The following LRRC7 variants were observed in gnomAD, a reference collection of about 807,000 sequenced individuals.
LRRC7 encodes leucine rich repeat containing 7.
LRRC7 carries 23 observed loss-of-function variants against 175.7 expected under a neutral mutation model. The ratio of observed to expected loss-of-function variants is 0.13; its 90% CI spans 0.09 to 0.19. LRRC7 has a LOEUF of 0.19. Ranked by LOEUF, LRRC7 falls within the 10% of genes least tolerant of loss-of-function variation. The pLI is 1.00. For synonymous variants in LRRC7, 685 were observed against 680.9 expected (o/e 1.01, Z -0.09); for missense variants, 1,354 against 1,904.7 (o/e 0.71, Z 5.38).
chr1:69,866,657 A>G (rs1326068899), intron 7 of LRRC7, among the ~76,000 whole-genome samples: 1 of 152,190 alleles, frequency 6.6e-6, no homozygotes, highest in Admixed American at 6.5e-5. Flanking sequence ...AAATCATAGC[A>G]ATAAGCATGC....
chr1:69,766,692 C>T (rs905866073), intron 3 of LRRC7, among the ~76,000 whole-genome samples: 1 of 152,112 alleles, frequency 6.6e-6, no homozygotes, highest in Admixed American at 6.6e-5. Context: ...TTGAAAAATC[C>T]AGCAAACTGT....
At chr1:69,752,668 G>A (rs143712358) in intron 2 of LRRC7, among the ~76,000 whole-genome samples, 31 of 152,272 alleles carry the variant, frequency 2.0e-4, no homozygotes, top group African/African-American at 7.2e-4. Flanking sequence ...AAATGCGTTT[G>A]ACTCTGTGGG....
intron 4 of LRRC7, among the ~76,000 whole-genome samples, chr1:69,812,191 C>T (rs564215801): frequency 1.1e-4 from 17 of 152,160 alleles, no homozygotes; most frequent in South Asian, 6.2e-4. Context: ...CTGAAGAGTA[C>T]GTATGGAACA....
intron 2 of LRRC7, among the ~76,000 whole-genome samples, chr1:69,713,600 C>T (rs1796970): frequency 0.076 from 11,544 of 151,902 alleles, 559 homozygotes; most frequent in African/African-American, 0.14. Flanking sequence ...TTATCTGATT[C>T]CTGTTTTCTA....
Position 70,142,529 on chromosome 1 carries a change from G to A in LRRC7, c.*20642G>A, listed in dbSNP as rs1667105655. 6.6e-6 allele frequency: 1 copy of A among 152,048 alleles called. No homozygotes were observed. The highest frequency in any genetic ancestry group is 2.4e-5 in the African/African-American group (1 of 41,408). The allele number at this position is 152,048 out of a possible 1,614,324, so 9.4% of individuals were successfully genotyped here. A position where few individuals can be genotyped will look rare whatever the true frequency, so the allele number is the denominator to read the frequency against. ...TTGTACTCAGTAGGGACTAAAGGAAGCTTAAGGATAATGACATTGTCTTCA... is the reference window on the plus strand; with the variant it reads ...TTGTACTCAGTAGGGACTAAAGGAAACTTAAGGATAATGACATTGTCTTCA... On this transcript the variant is annotated 3_prime_UTR_variant, in exon 27 of 27. Coordinates refer to ENST00000651989, the MANE Select transcript of LRRC7 (RefSeq NM_001370785.2).
intron 21 of LRRC7, among the ~76,000 whole-genome samples, chr1:70,040,393 T>C (rs1397370354): frequency 1.3e-5 from 2 of 152,232 alleles, no homozygotes; most frequent in African/African-American, 4.8e-5. Context: ...TTGGTTTTTA[T>C]ATAGAAAGAA....
intron 7 of LRRC7, among the ~76,000 whole-genome samples, chr1:69,890,153 T>G (rs1645790306): frequency 6.6e-6 from 1 of 152,206 alleles, no homozygotes; most frequent in African/African-American, 2.4e-5. Flanking sequence ...CCAGAATGTT[T>G]TCAATTTACT....
rs1443770190 is a variant in LRRC7 at position 70,138,709 on chromosome 1, G to C, written c.*16822G>C. The stretch of plus-strand genomic sequence containing the variant: ...CTTACCAGAAGAATGCATAGATGTA[G>C]TAAAACCATTAAATACAGTAGTATC... On this transcript the variant is annotated 3_prime_UTR_variant, in exon 27 of 27. Coordinates refer to ENST00000651989, the MANE Select transcript of LRRC7 (RefSeq NM_001370785.2). The C allele has an allele frequency of 1.3e-5, 2 of 152,180 alleles. No homozygotes were observed. The highest frequency in any genetic ancestry group is 2.9e-5 in the Non-Finnish European group (2 of 68,018). 9.4% of individuals were successfully genotyped at this position (152,180 alleles called of 1,614,324 possible).
At chr1:70,079,117 G>A (rs1160940945) in intron 24 of LRRC7, among the ~76,000 whole-genome samples, 3 of 152,132 alleles carry the variant, frequency 2.0e-5, no homozygotes, top group South Asian at 2.1e-4. Flanking sequence ...GTATGTGGCT[G>A]TGTGTTTTAA....
chr1:69,881,741 G>A (rs926202950), intron 7 of LRRC7, among the ~76,000 whole-genome samples: 6 of 151,588 alleles, frequency 4.0e-5, no homozygotes, highest in Non-Finnish European at 7.4e-5. Context: ...TTAACCAAGA[G>A]TGGTAGTGCA....
chr1:69,873,117 TG>T (rs1685717313), intron 7 of LRRC7, among the ~76,000 whole-genome samples: 1 of 152,262 alleles, frequency 6.6e-6, no homozygotes, highest in Non-Finnish European at 1.5e-5. Context: ...AGTAGAAGCT[TG>T]GAAGTGATAG....
At chr1:70,049,118 G>A (rs1660557645) in intron 22 of LRRC7, among the ~76,000 whole-genome samples, 1 of 152,090 alleles carries the variant, frequency 6.6e-6, no homozygotes, top group Non-Finnish European at 1.5e-5. Flanking sequence ...AATTTCAGGT[G>A]AGGGAAGGCT....
chr1:69,914,962 A>G (rs143664129), intron 7 of LRRC7, among the ~76,000 whole-genome samples: 177 of 152,316 alleles, frequency 1.2e-3, no homozygotes, highest in Non-Finnish European at 2.1e-3. Context: ...TTTCATAAAA[A>G]CATTCATATT....
intron 2 of LRRC7, among the ~76,000 whole-genome samples, chr1:69,742,529 G>A (rs995320639): frequency 1.3e-5 from 2 of 152,000 alleles, no homozygotes; most frequent in Middle Eastern, 3.4e-3. Flanking sequence ...GTATGTGTGT[G>A]TCTTTTTGTG....
intron 23 of LRRC7, among the ~76,000 whole-genome samples, chr1:70,057,002 G>GC (rs1326541762): frequency 2.0e-5 from 3 of 151,514 alleles, no homozygotes; most frequent in African/African-American, 7.3e-5. Context: ...TTAAATGTTG[G>GC]GGGGGGAATC....
At chr1:69,568,999 A>G (rs940776720) in intron 1 of LRRC7, among the ~76,000 whole-genome samples, 5 of 152,100 alleles carry the variant, frequency 3.3e-5, no homozygotes, top group Non-Finnish European at 5.9e-5. Flanking sequence ...CCTCGTTATT[A>G]TCTTGGGTAT....
intron 5 of LRRC7, among the ~76,000 whole-genome samples, chr1:69,826,543 C>G (rs552458138): frequency 1.3e-5 from 2 of 152,156 alleles, no homozygotes; most frequent in Non-Finnish European, 2.9e-5. Flanking sequence ...GTTAAAGTCA[C>G]TTAATAATGG....
Position 69,781,860 on chromosome 1 carries a change from A to ACAAG in LRRC7, c.304-10183_304-10182insCAAG, listed in dbSNP as rs1553155253. 1.6e-4 allele frequency among the ~76,000 whole-genome samples: 17 copies of ACAAG among 109,402 alleles called. 1 individual carries two copies. Among genetic ancestry groups the ACAAG allele is most frequent in the Non-Finnish European group, 2.7e-4 (15 of 55,380 alleles). The allele number at this position is 109,402 out of a possible 152,430, so 71.8% of individuals were successfully genotyped here. On this transcript the variant is annotated intron_variant, in intron 3 of 26. Transcript: ENST00000651989. ...AAGGAAGGAAGGGAGAGAAAGAAAG[A>ACAAG]GAAGGAAGGAAGGAAGAAAGAAAAG... is the stretch of plus-strand genomic sequence containing the variant.
intron 7 of LRRC7, among the ~76,000 whole-genome samples, chr1:69,886,921 T>C (rs543556695): frequency 3.3e-5 from 5 of 152,184 alleles, no homozygotes; most frequent in South Asian, 2.1e-4. Flanking sequence ...AAAATTCTTT[T>C]CTTTAAGAAT....
Sources: allele counts gnomAD v4.1 joint callset (sites outside exome capture counted in the v4.1 genomes callset), GRCh38; gene constraint gnomAD v4.1.1; transcripts MANE v1.5; gene names NCBI Gene and HGNC (gene_info 2026-07-23, HGNC 2026-07-21).